NCAPD3: variants seen among roughly 807,000 people sequenced by gnomAD.
NCAPD3 encodes condensin-2 complex subunit D3.
Under a neutral mutation model 182.9 loss-of-function variants are expected in NCAPD3, and 105 were observed. The ratio of observed to expected loss-of-function variants is 0.57; its 90% CI spans 0.49 to 0.68. NCAPD3 has a LOEUF of 0.68. Ranked by LOEUF, NCAPD3 falls within the 30% of genes least tolerant of loss-of-function variation. The probability of loss-of-function intolerance (pLI) is 0.00; values close to 1 mark genes in which losing one functional copy is unlikely to be tolerated. For missense variants in NCAPD3, 1,944 were observed against 1,837.0 expected (o/e 1.06, Z -1.07); for synonymous variants, 815 against 679.9 (o/e 1.20, Z -3.09).
chr11:134,167,008 T>C (rs1401245615), intron 27 of NCAPD3, among the ~76,000 whole-genome samples: 4 of 87,870 alleles, frequency 4.6e-5, no homozygotes, highest in African/African-American at 1.1e-4. Context: ...TTAGGGGAGC[T>C]GCACACTCAC....
intron 13 of NCAPD3, among the ~76,000 whole-genome samples, chr11:134,197,816 C>T (rs1944668122): frequency 1.3e-5 from 2 of 152,160 alleles, no homozygotes; most frequent in Admixed American, 1.3e-4. Flanking sequence ...GCAGAGAAAG[C>T]ATTTGCAAAT....
At chr11:134,184,322 A>G (rs968584806) in intron 19 of NCAPD3, among the ~76,000 whole-genome samples, 5 of 152,256 alleles carry the variant, frequency 3.3e-5, no homozygotes, top group African/African-American at 1.2e-4. Context: ...ATGAGAGTGG[A>G]AGTCAAGGAG....
chr11:134,167,652 G>A (rs1943886380), intron 27 of NCAPD3, among the ~76,000 whole-genome samples: 2 of 139,388 alleles, frequency 1.4e-5, no homozygotes, highest in Non-Finnish European at 3.1e-5. Context: ...TGAGCTTGGG[G>A]GAGCAGCACA....
At chr11:134,164,037 G>A (rs991261583) in intron 27 of NCAPD3, among the ~76,000 whole-genome samples, 3 of 152,188 alleles carry the variant, frequency 2.0e-5, no homozygotes, top group Admixed American at 1.3e-4. Flanking sequence ...ATTGGTAAGA[G>A]AAAACAGGCA....
intron 29 of NCAPD3, among the ~76,000 whole-genome samples, chr11:134,158,877 G>A (rs77681827): frequency 0.031 from 4,772 of 151,874 alleles, 253 homozygotes; most frequent in African/African-American, 0.11. Context: ...CTCTAACTCC[G>A]TGAGATCAAC....
At chr11:134,223,591 G>T (rs369935815) in intron 1 of NCAPD3, 7 of 673,296 alleles carry the variant, frequency 1.0e-5, no homozygotes, top group African/African-American at 5.3e-5. Context: ...CGCACAGGAA[G>T]AAGGGGAAGG....
At chr11:134,210,944 G>A (rs1937811476) in intron 3 of NCAPD3, among the ~76,000 whole-genome samples, 1 of 152,180 alleles carries the variant, frequency 6.6e-6, no homozygotes, top group Non-Finnish European at 1.5e-5. Flanking sequence ...TAGAACAGAA[G>A]AACCTACACA....
intron 29 of NCAPD3, among the ~76,000 whole-genome samples, chr11:134,158,744 A>T (rs1225223239): frequency 6.6e-6 from 1 of 152,208 alleles, no homozygotes; most frequent in Non-Finnish European, 1.5e-5. Context: ...TAATATCTCC[A>T]CTGTACTGAA....
rs1364515708 is a variant in NCAPD3, at chr11:134,177,347, T to C, written c.2893A>G (p.Met965Val). ...VAVRNNVIIV[M>V]CDLCIRYTIM... ...GTGTAGCGAATGCAGAGATCGCACATTACAATGATGACGTTGTTGCGGACA... is the reference window on the plus strand; with the variant it reads ...GTGTAGCGAATGCAGAGATCGCACACTACAATGATGACGTTGTTGCGGACA... The change falls in exon 23 of 35, where the codon ATG (methionine) becomes GTG (valine). Residue 965 changes from methionine (M) to valine (V), a missense_variant. Physicochemically the swap from Met to Val is conservative, Grantham distance 21. This residue lies in a region of NCAPD3 where 1,803 missense variants were observed against 1,674.6 expected (regional missense o/e 1.08). Coordinates refer to ENST00000534548, the MANE Select transcript of NCAPD3 (RefSeq NM_015261.3). 11 of 1,614,096 alleles carry C rather than the reference T, an allele frequency of 6.8e-6. No homozygotes were observed. The highest frequency in any genetic ancestry group is 9.3e-6 in the Non-Finnish European group (11 of 1,180,034).
At chr11:134,173,838 G>A (rs995785857) in intron 24 of NCAPD3, among the ~76,000 whole-genome samples, 4 of 152,028 alleles carry the variant, frequency 2.6e-5, no homozygotes, top group Admixed American at 6.6e-5. Flanking sequence ...GCGCACGCCT[G>A]TGATCCCAGC....
chr11:134,170,359 T>C (rs551459781), intron 24 of NCAPD3, among the ~76,000 whole-genome samples: 1 of 152,370 alleles, frequency 6.6e-6, no homozygotes, highest in South Asian at 2.1e-4. Flanking sequence ...TAATGACCCA[T>C]GTTTGAAAGG....
In NCAPD3 at chr11:134,209,105, C is replaced by T. The variant is rs200371740; in HGVS notation, c.794+40G>A. Reference sequence around the variant, plus strand: ...TTCTGCTGGAGCAAAAATTGGTACACTATACTTAAATTGTAGCACTGGAAG... The same window carrying T: ...TTCTGCTGGAGCAAAAATTGGTACATTATACTTAAATTGTAGCACTGGAAG... On this transcript the variant is annotated intron_variant, in intron 6 of 34. Coordinates refer to ENST00000534548, the MANE Select transcript of NCAPD3 (RefSeq NM_015261.3). 152 of 1,593,114 alleles carry T rather than the reference C, an allele frequency of 9.5e-5. 1 individual carries two copies. The East Asian group carries it at 2.8e-3, about 30-fold the overall frequency.
chr11:134,223,534 A>C (rs1320711225), intron 1 of NCAPD3: 1 of 701,216 alleles, frequency 1.4e-6, no homozygotes, highest in Non-Finnish European at 2.6e-6. Context: ...GAGATTTGCA[A>C]TTTAAAACCA....
chr11:134,197,858 A>T (rs1944669154), intron 13 of NCAPD3, among the ~76,000 whole-genome samples: 1 of 152,202 alleles, frequency 6.6e-6, no homozygotes, highest in African/African-American at 2.4e-5. Flanking sequence ...AAACTCAGCA[A>T]GCTTGAAATG....
intron 11 of NCAPD3, among the ~76,000 whole-genome samples, 160 bp from the exon 12 acceptor site, chr11:134,203,358 C>T (rs979293532): frequency 2.0e-5 from 3 of 152,142 alleles, no homozygotes; most frequent in African/African-American, 4.8e-5. Context: ...TGCATTGAAA[C>T]GGAGATTCAT....
chr11:134,180,457 C>T (rs976245417), intron 20 of NCAPD3, among the ~76,000 whole-genome samples: 6 of 138,492 alleles, frequency 4.3e-5, no homozygotes, highest in African/African-American at 1.6e-4. Context: ...ACCAGAATTA[C>T]TGCCATACAT....
intron 20 of NCAPD3, among the ~76,000 whole-genome samples, chr11:134,180,280 C>T (rs370754800): frequency 1.3e-5 from 2 of 151,904 alleles, no homozygotes; most frequent in Non-Finnish European, 1.5e-5. Context: ...GATCACTGGG[C>T]GTTAGGAGAG....
rs1445905353 is a variant in NCAPD3 at position 134,168,197 on chromosome 11, TGAGA to T, written c.3374-6_3374-3del. On this transcript the variant is annotated splice_region_variant and splice_polypyrimidine_tract_variant and intron_variant, in intron 26 of 34. Coordinates refer to ENST00000534548, the MANE Select transcript of NCAPD3 (RefSeq NM_015261.3). ...GTAGGATGCCATCAGCAAAGCACGC[TGAGA>T]GACAGAGAGAGAGAAAAACGTGAGC... is the stretch of plus-strand genomic sequence containing the variant. The T allele has an allele frequency of 6.2e-7, 1 of 1,613,434 alleles. No homozygotes were observed.
At chr11:134,163,406 G>A (rs893036755) in intron 27 of NCAPD3, among the ~76,000 whole-genome samples, 2 of 151,982 alleles carry the variant, frequency 1.3e-5, no homozygotes, top group South Asian at 4.1e-4. Flanking sequence ...TTGTACTTAA[G>A]AAAGACTGCT....
Sources: gnomAD v4.1 joint callset for allele counts (sites outside exome capture counted in the v4.1 genomes callset) on GRCh38, gnomAD v4.1.1 for gene constraint, gnomAD v4.1.1 regional missense constraint, MANE v1.5 for transcripts, NCBI Gene and HGNC (gene_info 2026-07-23, HGNC 2026-07-21) for gene names.